The following DOCK1 variants were observed in gnomAD, a reference collection of about 807,000 sequenced individuals.
The protein encoded by DOCK1 is dedicator of cytokinesis protein 1.
A neutral mutation model predicts 262.7 loss-of-function variants in DOCK1; 138 were observed. The observed-to-expected ratio is 0.53, with a 90% CI of 0.46 to 0.61. The LOEUF (loss-of-function observed/expected upper bound fraction) is 0.61, where lower values mean the gene tolerates loss of function less well. Ranked by LOEUF, DOCK1 falls within the 20% of genes least tolerant of loss-of-function variation. The pLI is 0.00. For missense variants in DOCK1, 1,908 were observed against 2,370.7 expected, an observed-to-expected ratio of 0.80 and a Z score of 4.05; for synonymous variants, 866 against 867.4, an observed-to-expected ratio of 1.00 and a Z score of 0.03.
chr10:126,955,352 C>T (rs2036645248), intron 1 of DOCK1, among the ~76,000 whole-genome samples: 1 of 152,212 alleles, frequency 6.6e-6, no homozygotes, highest in Non-Finnish European at 1.5e-5. Flanking sequence ...TCTCAAACTT[C>T]TGGCCTCCAA....
At chr10:127,180,922 C>A (rs2055670780) in intron 27 of DOCK1, among the ~76,000 whole-genome samples, 1 of 152,042 alleles carries the variant, frequency 6.6e-6, no homozygotes, top group African/African-American at 2.4e-5. Flanking sequence ...TTTATTTTTC[C>A]TTCTGTTTTC....
At chr10:127,115,196 A>G (rs2049108081) in intron 25 of DOCK1, among the ~76,000 whole-genome samples, 1 of 152,234 alleles carries the variant, frequency 6.6e-6, no homozygotes, top group Non-Finnish European at 1.5e-5. Context: ...GAGGTTGTGC[A>G]GAGGAGCTGA....
chr10:126,986,054 A>G (rs947203508), intron 4 of DOCK1, among the ~76,000 whole-genome samples: 1 of 152,042 alleles, frequency 6.6e-6, no homozygotes, highest in Admixed American at 6.6e-5. Context: ...GGGTTTCACC[A>G]TGTTGGCCAG....
chr10:127,019,370 C>A (rs1591682432), intron 13 of DOCK1, among the ~76,000 whole-genome samples: 1 of 152,160 alleles, frequency 6.6e-6, no homozygotes, highest in Non-Finnish European at 1.5e-5. Context: ...TCCTAATAAT[C>A]TGATTTGATC....
intron 33 of DOCK1, among the ~76,000 whole-genome samples, chr10:127,362,926 CAT>C (rs1237990189): frequency 7.1e-6 from 1 of 140,502 alleles, no homozygotes; most frequent in African/African-American, 2.8e-5. Flanking sequence ...CACATATACA[CAT>C]GCACATCCCC....
chr10:127,409,478 C>A, intron 42 of DOCK1, 87 bp downstream of exon 42: 1 of 1,416,212 alleles, frequency 7.1e-7, no homozygotes, highest in Non-Finnish European at 9.9e-7. Flanking sequence ...TTTTAAAGGA[C>A]GGACTTTGGC....
intron 38 of DOCK1, among the ~76,000 whole-genome samples, chr10:127,395,383 C>T (rs1412002327): frequency 6.6e-6 from 1 of 152,136 alleles, no homozygotes; most frequent in African/African-American, 2.4e-5. Flanking sequence ...TGAGGCCACT[C>T]ATCCCATTCA....
chr10:127,286,956 A>C (rs1254411174), intron 29 of DOCK1, among the ~76,000 whole-genome samples: 3 of 151,066 alleles, frequency 2.0e-5, no homozygotes, highest in Non-Finnish European at 4.4e-5. Flanking sequence ...GCTCACTGCA[A>C]GTTCCACCTC....
chr10:127,219,479 G>T (rs1389091739), intron 27 of DOCK1, among the ~76,000 whole-genome samples: 1 of 152,098 alleles, frequency 6.6e-6, no homozygotes, highest in Non-Finnish European at 1.5e-5. Context: ...ATTTTTAATT[G>T]TGGTAAAATA....
At chr10:127,172,843 G>T (rs2054705042) in intron 27 of DOCK1, among the ~76,000 whole-genome samples, 1 of 152,168 alleles carries the variant, frequency 6.6e-6, no homozygotes, top group Admixed American at 6.5e-5. Context: ...CTGGGATACC[G>T]GAGTGAATGA....
intron 32 of DOCK1, among the ~76,000 whole-genome samples, chr10:127,361,273 C>T (rs1590685129): frequency 6.6e-6 from 1 of 151,718 alleles, no homozygotes; most frequent in Non-Finnish European, 1.5e-5. Context: ...GCTACCACGC[C>T]CAGCTGATTT....
intron 29 of DOCK1, among the ~76,000 whole-genome samples, chr10:127,320,749 T>A (rs995664887): frequency 6.6e-5 from 10 of 152,196 alleles, no homozygotes; most frequent in African/African-American, 1.9e-4. Flanking sequence ...AAATATTTAT[T>A]AAGCACTAGG....
In DOCK1 at chr10:126,977,972, G is replaced by T; in HGVS notation, c.155G>T (p.Arg52Leu). 6.2e-7 allele frequency: 1 copy of T among 1,613,746 alleles called. No homozygotes were observed. The highest frequency in any genetic ancestry group is 8.5e-7 in the Non-Finnish European group (1 of 1,179,806). ...YEGWYRGYTL[R>L]KKSKKGIFPA... is the part of the protein sequence containing the mutation. ...GGGTGGTACCGAGGTTACACGTTAC[G>T]AAAAAAGTCTAAGAAGGTAAGTCCT... Residue 52 changes from arginine (R) to leucine (L), a missense_variant, in exon 3 of 52, where the codon CGA (arginine) becomes CTA (leucine). Around this residue, in one of 9 missense-constraint regions of DOCK1, gnomAD observed 227 missense variants for 254.1 expected, o/e 0.89. Coordinates refer to ENST00000623213, the MANE Select transcript of DOCK1 (RefSeq NM_001290223.2).
intron 47 of DOCK1, among the ~76,000 whole-genome samples, chr10:127,428,623 T>G (rs1227760917): frequency 6.8e-6 from 1 of 147,784 alleles, no homozygotes. Context: ...CCATGTGGAT[T>G]GGGGTGTCAT....
At chr10:127,374,446 G>A (rs144431335) in intron 35 of DOCK1, among the ~76,000 whole-genome samples, 12 of 152,240 alleles carry the variant, frequency 7.9e-5, no homozygotes, top group East Asian at 3.9e-4. Flanking sequence ...TCTCCTTGTC[G>A]TTGTGAATGA....
intron 50 of DOCK1, among the ~76,000 whole-genome samples, chr10:127,444,556 G>A (rs1044118729): frequency 6.6e-6 from 1 of 152,238 alleles, no homozygotes; most frequent in African/African-American, 2.4e-5. Flanking sequence ...TGTGAAGCAC[G>A]TGGAACCACC....
At chr10:127,033,100 G>T (rs2043353258) in intron 18 of DOCK1, among the ~76,000 whole-genome samples, 1 of 152,154 alleles carries the variant, frequency 6.6e-6, no homozygotes, top group Non-Finnish European at 1.5e-5. Flanking sequence ...GGCTTAGTGA[G>T]GGTTACATGA....
chr10:127,387,732 C>T (rs4494240), intron 38 of DOCK1, among the ~76,000 whole-genome samples: 75,274 of 151,998 alleles, frequency 0.5, 19,164 homozygotes, highest in African/African-American at 0.61. Context: ...ACATTATGGA[C>T]GTGTGTGGAA....
At chr10:127,450,902 A>G (rs186635128) in intron 51 of DOCK1, among the ~76,000 whole-genome samples, 154 of 152,248 alleles carry the variant, frequency 1.0e-3, no homozygotes, top group African/African-American at 3.6e-3. Flanking sequence ...AGCTGGAAAT[A>G]TGTACTGTCT....
Sources: allele counts gnomAD v4.1 joint callset (sites outside exome capture counted in the v4.1 genomes callset), GRCh38; gene constraint gnomAD v4.1.1; regional missense constraint gnomAD v4.1.1; transcripts MANE v1.5; gene names NCBI Gene and HGNC (gene_info 2026-07-23, HGNC 2026-07-21).